PPP6R3: variants seen among roughly 807,000 people sequenced by gnomAD.
PPP6R3 encodes protein phosphatase 6 regulatory subunit 3.
PPP6R3 carries 38 observed loss-of-function variants against 110.7 expected under a neutral mutation model. That is an observed-to-expected ratio of 0.34 (90% CI 0.26 to 0.45). The LOEUF is 0.45. Ranked by LOEUF, PPP6R3 falls within the 20% of genes least tolerant of loss-of-function variation. The pLI, the probability that PPP6R3 is intolerant of heterozygous loss-of-function variation, is 1.00. For synonymous variants in PPP6R3, 369 were observed against 373.5 expected (o/e 0.99, Z 0.14); for missense variants, 870 against 1,062.4 (o/e 0.82, Z 2.52).
intron 10 of PPP6R3, among the ~76,000 whole-genome samples, chr11:68,568,020 A>T (rs189355534): frequency 1.6e-4 from 25 of 152,320 alleles, no homozygotes; most frequent in African/African-American, 5.8e-4. Flanking sequence ...CGGTGAAGCC[A>T]AGATTTGAAT....
intron 8 of PPP6R3, 103 bp downstream of exon 8, chr11:68,558,782 G>A: frequency 1.2e-6 from 1 of 814,890 alleles, no homozygotes; most frequent in South Asian, 1.6e-5. Flanking sequence ...CCTTTGAATT[G>A]CAGTTGCTGA....
intron 14 of PPP6R3, among the ~76,000 whole-genome samples, 178 bp downstream of exon 14, chr11:68,576,221 C>T (rs2099530931): frequency 6.6e-6 from 1 of 152,186 alleles, no homozygotes; most frequent in Non-Finnish European, 1.5e-5. Context: ...TTTGTCTAGT[C>T]CACTCCTAAT....
At chr11:68,475,925 C>T (rs1331074817) in intron 1 of PPP6R3, among the ~76,000 whole-genome samples, 1 of 151,814 alleles carries the variant, frequency 6.6e-6, no homozygotes. Flanking sequence ...CAGAGACGCT[C>T]CTCACTTCCT....
intron 1 of PPP6R3, among the ~76,000 whole-genome samples, chr11:68,479,659 T>A (rs1475189703): frequency 6.6e-6 from 1 of 152,204 alleles, no homozygotes; most frequent in African/African-American, 2.4e-5. Context: ...TAAAGTCTTT[T>A]TTTCTCCTTG....
Position 68,506,694 on chromosome 11 carries a change from A to G in PPP6R3, c.-157-12807A>G, listed in dbSNP as rs531836955. On this transcript the variant is annotated intron_variant, in intron 1 of 23. Coordinates refer to ENST00000393800, the MANE Select transcript of PPP6R3 (RefSeq NM_001164161.2). The stretch of plus-strand genomic sequence containing the variant: ...AGAAAAAAAACCCTTTTTCCTCCTA[A>G]TTAAGGCTTTGTCTCCCCTGACCAT... Among the ~76,000 whole-genome samples, 25 of 152,262 alleles carry G rather than the reference A, an allele frequency of 1.6e-4. 1 individual carries two copies. The Middle Eastern group carries it at 0.02, about 124-fold the overall frequency.
chr11:68,496,476 C>T (rs1365480451), intron 1 of PPP6R3, among the ~76,000 whole-genome samples: 1 of 151,744 alleles, frequency 6.6e-6, no homozygotes, highest in African/African-American at 2.4e-5. Flanking sequence ...GCGCTTGCCT[C>T]ATTTGGTTTT....
chr11:68,557,055 G>A (rs1303050970), intron 7 of PPP6R3, among the ~76,000 whole-genome samples: 3 of 152,254 alleles, frequency 2.0e-5, no homozygotes, highest in Non-Finnish European at 4.4e-5. Flanking sequence ...TGAAGAGAGT[G>A]TGGACCTCCA....
intron 1 of PPP6R3, among the ~76,000 whole-genome samples, chr11:68,468,390 CTT>C (rs1333153361): frequency 8.5e-5 from 13 of 152,314 alleles, no homozygotes; most frequent in Admixed American, 7.2e-4. Flanking sequence ...TCATCTGTCT[CTT>C]TTGTCTGCAA....
intron 1 of PPP6R3, among the ~76,000 whole-genome samples, chr11:68,516,723 G>A (rs2099139065): frequency 6.6e-6 from 1 of 152,134 alleles, no homozygotes; most frequent in Non-Finnish European, 1.5e-5. Context: ...AAGTGGACTT[G>A]CTGGGTCATA....
intron 1 of PPP6R3, among the ~76,000 whole-genome samples, chr11:68,490,699 C>T (rs1186020850): frequency 6.6e-6 from 1 of 151,482 alleles, no homozygotes; most frequent in Admixed American, 6.6e-5. Context: ...TATCCTAATG[C>T]TCAGATTCTT....
rs1942507203 is a variant in PPP6R3, at chr11:68,609,926, T to C, written c.2473T>C (p.Ser825Pro). Residue 825 changes from serine to proline, a missense_variant, in exon 23 of 24, where the codon TCT (serine) becomes CCT (proline). Ser to Pro is a moderately conservative substitution (Grantham distance 74). Transcript: ENST00000393800. ...CAGTGAGGAAGGGAAACTGTCTACC[T>C]CTCAAGATGCTGCTTGTAAAGACGC... ...FKSEEGKLST[S>P]QDAACKDAEE... The C allele has an allele frequency of 1.2e-6, 2 of 1,614,116 alleles. No individual in the cohort carries two copies. Among genetic ancestry groups the C allele is most frequent in the East Asian group, 2.2e-5 (1 of 44,878 alleles).
intron 18 of PPP6R3, among the ~76,000 whole-genome samples, chr11:68,592,485 G>T (rs1342173642): frequency 6.6e-6 from 1 of 152,202 alleles, no homozygotes; most frequent in Non-Finnish European, 1.5e-5. Context: ...GAGTCCCTCA[G>T]CATCACCTCT....
intron 23 of PPP6R3, 102 bp downstream of exon 23, chr11:68,610,125 T>C: frequency 6.7e-7 from 1 of 1,482,514 alleles, no homozygotes; most frequent in Non-Finnish European, 9.0e-7. Flanking sequence ...ACAGCTGTGC[T>C]CAAGTCTTAG....
At chr11:68,462,144 C>T (rs748504440) in intron 1 of PPP6R3, among the ~76,000 whole-genome samples, 1 of 152,162 alleles carries the variant, frequency 6.6e-6, no homozygotes, top group Non-Finnish European at 1.5e-5. Context: ...CATACAGTCA[C>T]CTCAGTGGCT....
At chr11:68,497,836 G>C (rs893744681) in intron 1 of PPP6R3, among the ~76,000 whole-genome samples, 1 of 151,992 alleles carries the variant, frequency 6.6e-6, no homozygotes, top group African/African-American at 2.4e-5. Context: ...TGCCTAATCC[G>C]TGGCCACAAA....
intron 1 of PPP6R3, among the ~76,000 whole-genome samples, chr11:68,511,595 C>G (rs536057020): frequency 6.6e-6 from 1 of 151,432 alleles, no homozygotes; most frequent in East Asian, 2.0e-4. Flanking sequence ...ATTCCCCTGC[C>G]TCAGCTTCCT....
chr11:68,482,858 A>G (rs2098924294), intron 1 of PPP6R3, among the ~76,000 whole-genome samples: 1 of 152,058 alleles, frequency 6.6e-6, no homozygotes, highest in South Asian at 2.1e-4. Flanking sequence ...ATATAAATAT[A>G]ATAGCACCAT....
intron 1 of PPP6R3, among the ~76,000 whole-genome samples, chr11:68,502,024 G>GA (rs1183341382): frequency 6.6e-6 from 1 of 152,128 alleles, no homozygotes; most frequent in Non-Finnish European, 1.5e-5. Context: ...GTCGCAGTTT[G>GA]AAAAAACGTG....
At chr11:68,555,951 G>A (rs1242814446) in intron 7 of PPP6R3, among the ~76,000 whole-genome samples, 1 of 152,136 alleles carries the variant, frequency 6.6e-6, no homozygotes, top group Non-Finnish European at 1.5e-5. Context: ...TTTAGTGTCT[G>A]TTGATTCAGA....
Sources: allele counts gnomAD v4.1 joint callset (sites outside exome capture counted in the v4.1 genomes callset), GRCh38; gene constraint gnomAD v4.1.1; transcripts MANE v1.5; gene names NCBI Gene and HGNC (gene_info 2026-07-23, HGNC 2026-07-21).